The following ZNF202 variants were observed in gnomAD, a reference collection of about 807,000 sequenced individuals.
ZNF202 encodes the protein zinc finger protein 202, also known as zinc finger protein with KRAB and SCAN domains 10.
ZNF202 carries 22 observed loss-of-function variants against 54.5 expected under a neutral mutation model. The observed-to-expected ratio is 0.40, with a 90% CI of 0.29 to 0.58. ZNF202 has a LOEUF of 0.58. ZNF202 is among the 20% of genes least tolerant of loss of function. The probability of loss-of-function intolerance (pLI) is 0.39; values close to 1 mark genes in which losing one functional copy is unlikely to be tolerated. For synonymous variants in ZNF202, 294 were observed against 301.4 expected, an observed-to-expected ratio of 0.98 and a Z score of 0.26; for missense variants, 644 against 805.5, an observed-to-expected ratio of 0.80 and a Z score of 2.43.
Position 123,726,680 on chromosome 11 carries a change from C to T in ZNF202, c.1264G>A (p.Glu422Lys). The T allele has an allele frequency of 6.2e-7, 1 of 1,614,230 alleles. No individual in the cohort carries two copies. Reference sequence around the variant, plus strand: ...CATTCCATACATTTATAGGGTTTCTCTCCTGTGTGAGTCCTCAGGTGTCTA... The same window carrying T: ...CATTCCATACATTTATAGGGTTTCTTTCCTGTGTGAGTCCTCAGGTGTCTA... ...LVRHLRTHTGEKPYKCMECGK... is the reference protein window; with the variant it reads ...LVRHLRTHTGKKPYKCMECGK... The change falls in exon 9 of 9, where the codon GAG (glutamate) becomes AAG (lysine). Residue 422 changes from glutamate (E) to lysine (K), a missense_variant. By Grantham distance (56) the Glu-to-Lys change is moderately conservative. Around this residue, in one of 3 missense-constraint regions of ZNF202, gnomAD observed 536 missense variants for 635.3 expected, o/e 0.84. Transcript: ENST00000530393. This position sits in a 1 kb window ranked among gnomAD's most constrained non-coding sequence, Gnocchi z 6.0.
At chr11:123,727,343 G>T in intron 8 of ZNF202, 133 bp downstream of exon 8, 2 of 1,265,376 alleles carry the variant, frequency 1.6e-6, no homozygotes, top group South Asian at 3.0e-5. Flanking sequence ...AGAAATGGCT[G>T]TCAGAGGGAG....
Position 123,733,311 on chromosome 11 carries a change from C to T in ZNF202, c.-97-2326G>A, listed in dbSNP as rs192231754. On this transcript the variant is annotated intron_variant, in intron 3 of 8. Transcript: ENST00000530393. ...TGCTCTTATGACATTTTTTTCATTA[C>T]CCTCAGTCACTTGCAACATACTTTC... 5.3e-3 allele frequency among the ~76,000 whole-genome samples: 806 copies of T among 152,172 alleles called. 4 individuals are homozygous for T. The highest frequency in any genetic ancestry group is 0.041 in the Middle Eastern group (12 of 294).
rs943332472 is a variant in ZNF202 at position 123,728,173 on chromosome 11, T to G, written c.792A>C (p.Glu264Asp). 1.2e-6 allele frequency: 2 copies of G among 1,612,618 alleles called. No homozygotes were observed. The highest frequency in any genetic ancestry group is 2.7e-5 in the African/African-American group (2 of 74,894). The change falls in exon 7 of 9, where the codon GAA becomes GAC. Residue 264 changes from glutamate to aspartate, a missense_variant. By Grantham distance (45) the Glu-to-Asp change is conservative. Coordinates refer to ENST00000530393, the MANE Select transcript of ZNF202 (RefSeq NM_003455.4). ...TTCCACAGTCTTCTTCCAAGACATA[T>G]TCTCCATAGAACTCTTTCTGTGTTG... ...LDPTQKEFYG[E>D]YVLEEDCGIV...
chr11:123,729,247 T>A (rs1443424751), intron 5 of ZNF202, 33 bp from the exon 6 acceptor site: 1 of 1,599,772 alleles, frequency 6.3e-7, no homozygotes, highest in East Asian at 2.2e-5. Context: ...ATCAGTAATA[T>A]GCAGCATGCC....
In ZNF202 at chr11:123,729,951, A is replaced by C. The variant is rs1357099404; in HGVS notation, c.403-126T>G. The C allele has an allele frequency of 7.1e-6, 7 of 991,802 alleles. No homozygotes were observed. The East Asian group carries it at 1.6e-4, about 22-fold the overall frequency. 61.4% of individuals were successfully genotyped at this position (991,802 alleles called of 1,614,324 possible). On this transcript the variant is annotated intron_variant, in intron 4 of 8. Coordinates refer to ENST00000530393, the MANE Select transcript of ZNF202 (RefSeq NM_003455.4). Reference sequence around the variant, plus strand: ...CAGAGGGACCCAGACAAGGAGGGGAAACTCCAGTTTCAATGGAGCAGGCAA... The same window carrying C: ...CAGAGGGACCCAGACAAGGAGGGGACACTCCAGTTTCAATGGAGCAGGCAA...
At chr11:123,735,015 G>GAA (rs35354577) in intron 3 of ZNF202, among the ~76,000 whole-genome samples, 1 of 148,942 alleles carries the variant, frequency 6.7e-6, no homozygotes, top group African/African-American at 2.5e-5. Flanking sequence ...CTTGGCATTT[G>GAA]AAAAAAAAAA....
Position 123,726,969 on chromosome 11 carries a change from TTCC to T in ZNF202, c.972_974del (p.Glu326del). 6.2e-7 allele frequency: 1 copy of T among 1,613,010 alleles called. No homozygotes were observed. The highest frequency in any genetic ancestry group is 1.1e-5 in the South Asian group (1 of 90,868). Reference sequence around the variant, plus strand: ...TCAGATCTTCCTGCTCCAGACACTCTTCCTCATCTTTACTCCTATCTCCTGTAG... The same window carrying T: ...TCAGATCTTCCTGCTCCAGACACTCTTCATCTTTACTCCTATCTCCTGTAG... On this transcript the variant is annotated inframe_deletion, in exon 9 of 9. Transcript: ENST00000530393. The surrounding 1 kb of genome is among the most constrained non-coding windows in gnomAD (Gnocchi z 6.0).
intron 3 of ZNF202, among the ~76,000 whole-genome samples, chr11:123,736,785 A>G (rs963310481): frequency 6.6e-6 from 1 of 152,182 alleles, no homozygotes; most frequent in Non-Finnish European, 1.5e-5. Context: ...AATGTGGCTA[A>G]TACTACTTAT....
chr11:123,727,995 T>C, intron 7 of ZNF202, 138 bp downstream of exon 7: 1 of 976,586 alleles, frequency 1.0e-6, no homozygotes, highest in Non-Finnish European at 1.5e-6. Flanking sequence ...ATTTTTCACC[T>C]AATCCCTCAA....
chr11:123,731,669 T>C (rs1240024609), intron 3 of ZNF202, among the ~76,000 whole-genome samples: 2 of 152,226 alleles, frequency 1.3e-5, no homozygotes, highest in African/African-American at 4.8e-5. Flanking sequence ...CCAGTTTCTC[T>C]GTCTATAGAA....
At chr11:123,729,247 T>C (rs1443424751) in intron 5 of ZNF202, 33 bp from the exon 6 acceptor site, 4 of 1,599,772 alleles carry the variant, frequency 2.5e-6, no homozygotes, top group Non-Finnish European at 2.6e-6. Context: ...ATCAGTAATA[T>C]GCAGCATGCC....
intron 3 of ZNF202, among the ~76,000 whole-genome samples, chr11:123,732,139 A>G (rs777427543): frequency 2.0e-5 from 3 of 152,102 alleles, no homozygotes; most frequent in Non-Finnish European, 2.9e-5. Context: ...CACAATTTAC[A>G]GCTTAGGTCC....
Position 123,726,258 on chromosome 11 carries a change from C to A in ZNF202, c.1686G>T (p.Glu562Asp), listed in dbSNP as rs763396952. ...CGCACTCGCTGCAGAGGTAGAGTTC[C>A]TCAGCAGCGTGCGTCTTCCGGTGCG... ...YLAHRKTHAA[E>D]ELYLCSECGR... The change falls in exon 9 of 9, where the codon GAG (glutamate) becomes GAT (aspartate). Residue 562 changes from glutamate (E) to aspartate (D), a missense_variant. Physicochemically the swap from Glu to Asp is conservative, Grantham distance 45. Around this residue, in one of 3 missense-constraint regions of ZNF202, gnomAD observed 536 missense variants for 635.3 expected, o/e 0.84. Transcript: ENST00000530393. The surrounding 1 kb of genome is among the most constrained non-coding windows in gnomAD (Gnocchi z 6.0). 1 of 1,614,216 alleles carries A rather than the reference C, an allele frequency of 6.2e-7. No individual in the cohort carries two copies. The highest frequency in any genetic ancestry group is 8.5e-7 in the Non-Finnish European group (1 of 1,180,036).
chr11:123,723,929 ACT>A lies in ZNF202; in HGVS notation c.*2066_*2067del, dbSNP rs1467480598. Among the ~76,000 whole-genome samples the A allele has an allele frequency of 2.6e-5, 4 of 152,206 alleles. No individual in the cohort carries two copies. The highest frequency in any genetic ancestry group is 5.9e-5 in the Non-Finnish European group (4 of 68,040). ...CCTCACAAGCTTTCCCTCATGTAGAACTCTGACAGATTTTCATTTATTGGAAT... is the reference window on the plus strand; with the variant it reads ...CCTCACAAGCTTTCCCTCATGTAGAACTGACAGATTTTCATTTATTGGAAT... On this transcript the variant is annotated 3_prime_UTR_variant, in exon 9 of 9. Coordinates refer to ENST00000530393, the MANE Select transcript of ZNF202 (RefSeq NM_003455.4).
intron 6 of ZNF202, 112 bp from the exon 7 acceptor site, chr11:123,728,374 G>A (rs984986536): frequency 7.5e-7 from 1 of 1,332,456 alleles, no homozygotes; most frequent in Non-Finnish European, 9.7e-7. Context: ...AAAGGAGCTT[G>A]AGTGGCGGGC....
At chr11:123,738,413 T>C (rs1264618652) in intron 3 of ZNF202, among the ~76,000 whole-genome samples, 2 of 152,190 alleles carry the variant, frequency 1.3e-5, no homozygotes, top group African/African-American at 2.4e-5. Flanking sequence ...TCAGGAAAAC[T>C]ACCCCAGAGC....
In ZNF202 at chr11:123,726,164, G is replaced by A. The variant is rs746672806; in HGVS notation, c.1780C>T (p.Arg594Ter). 5.0e-6 allele frequency: 8 copies of A among 1,614,176 alleles called. No homozygotes were observed. The East Asian group carries it at 1.1e-4, about 22-fold the overall frequency. ...AAGCTCTTCCCACATTCGTTGCATC[G>A]GCAGGGCCTCACTGAGGCGTGTCCT... ...LRGHASVRPC[R>*]CNECGKSFSR... Residue 594 changes from arginine (R) to a stop codon, truncating the protein, a stop_gained, in exon 9 of 9, where the codon CGA becomes TGA. Transcript: ENST00000530393. LOFTEE classifies it high-confidence loss of function. This position sits in a 1 kb window ranked among gnomAD's most constrained non-coding sequence, Gnocchi z 6.0.
chr11:123,726,631 G>T lies in ZNF202; in HGVS notation c.1313C>A (p.Ser438Ter). 3 of 1,614,178 alleles carry T rather than the reference G, an allele frequency of 1.9e-6. No homozygotes were observed. Among genetic ancestry groups the T allele is most frequent in the Non-Finnish European group, 2.5e-6 (3 of 1,180,058 alleles). The change falls in exon 9 of 9, where the codon TCA (serine) becomes TAA (stop). Residue 438 changes from serine (S) to a stop codon, truncating the protein, a stop_gained. Coordinates refer to ENST00000530393, the MANE Select transcript of ZNF202 (RefSeq NM_003455.4). LOFTEE classifies it high-confidence loss of function. This position sits in a 1 kb window ranked among gnomAD's most constrained non-coding sequence, Gnocchi z 6.0. Reference sequence around the variant, plus strand: ...AACCTTTTGGTGCCTGGCAAGATGTGAGCTTCGTGTGTAACTTTTTCCACA... The same window carrying T: ...AACCTTTTGGTGCCTGGCAAGATGTTAGCTTCGTGTGTAACTTTTTCCACA... ...MECGKSYTRS[S>*]HLARHQKVHK...
At chr11:123,739,108 A>G (rs931451561) in intron 3 of ZNF202, among the ~76,000 whole-genome samples, 3 of 152,066 alleles carry the variant, frequency 2.0e-5, no homozygotes, top group African/African-American at 4.8e-5. Context: ...TAAGCTTTCT[A>G]TTTCTCCTCC....
Sources: allele counts gnomAD v4.1 joint callset (sites outside exome capture counted in the v4.1 genomes callset), GRCh38; gene constraint gnomAD v4.1.1; regional missense constraint gnomAD v4.1.1; non-coding constraint Gnocchi (gnomAD v3.1); transcripts MANE v1.5; gene names NCBI Gene and HGNC (gene_info 2026-07-23, HGNC 2026-07-21).